The following PDYN variants were observed in gnomAD, a reference collection of about 807,000 sequenced individuals.
PDYN encodes the protein proenkephalin-B.
Under a neutral mutation model 11.4 loss-of-function variants are expected in PDYN, and 5 were observed. That is an observed-to-expected ratio of 0.44 (90% CI 0.23 to 0.92). The LOEUF (loss-of-function observed/expected upper bound fraction) is 0.92. Among genes scored for constraint, PDYN ranks in the 40% least tolerant of loss-of-function variants. PDYN has a pLI of 0.24. For missense variants in PDYN, 337 were observed against 317.3 expected, an observed-to-expected ratio of 1.06 and a Z score of -0.47; for synonymous variants, 132 against 129.5, an observed-to-expected ratio of 1.02 and a Z score of -0.13.
chr20:1,991,327 C>T (rs965010110), intron 2 of PDYN, among the ~76,000 whole-genome samples: 5 of 152,196 alleles, frequency 3.3e-5, no homozygotes, highest in Admixed American at 6.5e-5. Flanking sequence ...CATATGTCTG[C>T]GGCTTGTGGC....
At chr20:1,991,512 C>G (rs890241571) in intron 2 of PDYN, among the ~76,000 whole-genome samples, 1 of 152,282 alleles carries the variant, frequency 6.6e-6, no homozygotes, top group East Asian at 1.9e-4. Context: ...CACTCCATTT[C>G]GAGGGTCTGA....
At position 1,988,872 on chromosome 20, in the gene PDYN, G is replaced by A. The variant is rs199809888; in HGVS notation, c.-20+3712C>T. 1.2e-4 allele frequency among the ~76,000 whole-genome samples: 18 copies of A among 152,266 alleles called. No individual in the cohort carries two copies. The South Asian group carries it at 1.5e-3, about 12-fold the overall frequency. On this transcript the variant is annotated intron_variant, in intron 2 of 3. Coordinates refer to ENST00000217305, the MANE Select transcript of PDYN (RefSeq NM_024411.5). ...ATTCCTTACGTCAATCTCTTTCTGC[G>A]GATAGGCACACCTTGTTGGCTCTGC...
At chr20:1,989,904 T>C (rs767161851) in intron 2 of PDYN, among the ~76,000 whole-genome samples, 1 of 152,158 alleles carries the variant, frequency 6.6e-6, no homozygotes, top group Non-Finnish European at 1.5e-5. Flanking sequence ...ACCAGCCCCG[T>C]GCACTCCAGG....
Position 1,980,929 on chromosome 20 carries a change from C to G in PDYN, c.159G>C (p.Leu53=), listed in dbSNP as rs1313415812. The G allele has an allele frequency of 1.9e-6, 3 of 1,614,164 alleles. No homozygotes were observed. In the Admixed American group the frequency reaches 5.0e-5, roughly 27 times the overall value. Residue 53 remains leucine (L), a synonymous_variant, in exon 4 of 4, where the codon CTG becomes CTC. Coordinates refer to ENST00000217305, the MANE Select transcript of PDYN (RefSeq NM_024411.5). ...ATCTCTCCCATTCCTCAGAGGGCAG[C>G]AGGGCAGCCTGGCATTGCAGGGAGC... The part of the protein sequence containing the change: ...LICSLQCQAA[L]LPSEEWERCQ...
chr20:1,984,449 G>A, intron 2 of PDYN, among the ~76,000 whole-genome samples: 1 of 152,228 alleles, frequency 6.6e-6, no homozygotes, highest in East Asian at 1.9e-4. Flanking sequence ...TGTATGTTGT[G>A]GTTATTGCCT....
chr20:1,987,154 G>A (rs1287367312), intron 2 of PDYN, among the ~76,000 whole-genome samples: 1 of 152,102 alleles, frequency 6.6e-6, no homozygotes, highest in Non-Finnish European at 1.5e-5. Context: ...GCAAAGAGGT[G>A]GGCAGAGGAT....
intron 2 of PDYN, among the ~76,000 whole-genome samples, chr20:1,988,095 C>T (rs757824304): frequency 1.3e-5 from 2 of 152,192 alleles, no homozygotes; most frequent in East Asian, 1.9e-4. Flanking sequence ...CAACAGCCAC[C>T]GATTCTCAGG....
In PDYN at chr20:1,980,812, G is replaced by A. The variant is rs778531195; in HGVS notation, c.276C>T (p.Tyr92=). ...ACCCAGAGAGCTTGGCCAGCTCACT[G>A]TAGGGCCCTTCCCCAACCGACTTGC... ...LGSKSVGEGP[Y]SELAKLSGSF... Residue 92 remains tyrosine, a synonymous_variant, in exon 4 of 4, where the codon TAC becomes TAT. Coordinates refer to ENST00000217305, the MANE Select transcript of PDYN (RefSeq NM_024411.5). 1.2e-6 allele frequency: 2 copies of A among 1,614,080 alleles called. No individual in the cohort carries two copies. Among genetic ancestry groups the A allele is most frequent in the African/African-American group, 2.7e-5 (2 of 74,920 alleles).
rs1441628753 is a variant in PDYN at position 1,983,112 on chromosome 20, G to A, written c.-19-9C>T. 6 of 1,608,264 alleles carry A rather than the reference G, an allele frequency of 3.7e-6. No individual in the cohort carries two copies. Among genetic ancestry groups the A allele is most frequent in the Non-Finnish European group, 1.7e-6 (2 of 1,177,970 alleles). ...TGTCTCAGCAATTCCTGCTGGGGAGGAAGAAAGAGAAGATAATGAAATCTG... is the reference window on the plus strand; with the variant it reads ...TGTCTCAGCAATTCCTGCTGGGGAGAAAGAAAGAGAAGATAATGAAATCTG... On this transcript the variant is annotated splice_polypyrimidine_tract_variant and intron_variant, in intron 2 of 3. Transcript: ENST00000217305.
chr20:1,983,498 C>T (rs536687752), intron 2 of PDYN, among the ~76,000 whole-genome samples: 6 of 152,344 alleles, frequency 3.9e-5, no homozygotes, highest in East Asian at 3.9e-4. Context: ...TTTGGCCACC[C>T]GCCAAGCCAG....
intron 2 of PDYN, among the ~76,000 whole-genome samples, chr20:1,984,601 T>C (rs1459944084): frequency 6.6e-6 from 1 of 152,202 alleles, no homozygotes; most frequent in African/African-American, 2.4e-5. Flanking sequence ...AATACTCTGT[T>C]AAAAGTTGTC....
intron 2 of PDYN, among the ~76,000 whole-genome samples, 187 bp downstream of exon 2, chr20:1,992,397 T>G (rs1195047396): frequency 6.6e-6 from 1 of 152,234 alleles, no homozygotes; most frequent in Non-Finnish European, 1.5e-5. Context: ...TCCCTTTGCC[T>G]GCTCCCTTAA....
chr20:1,989,737 T>C (rs1001186210), intron 2 of PDYN, among the ~76,000 whole-genome samples: 5 of 152,196 alleles, frequency 3.3e-5, no homozygotes, highest in African/African-American at 1.2e-4. Context: ...ATGAAGTCAC[T>C]TGTTTAAGGT....
chr20:1,991,412 C>T (rs1988441963), intron 2 of PDYN, among the ~76,000 whole-genome samples: 1 of 152,184 alleles, frequency 6.6e-6, no homozygotes, highest in African/African-American at 2.4e-5. Flanking sequence ...GCCTCATGGA[C>T]CTAGGCCATC....
intron 3 of PDYN, 75 bp downstream of exon 3, chr20:1,982,881 T>C (rs1270066860): frequency 1.3e-6 from 2 of 1,534,610 alleles, no homozygotes; most frequent in Admixed American, 3.4e-5. Context: ...TGCCCAGGCC[T>C]GCAACCTCCC....
In PDYN at chr20:1,980,208, A is replaced by G. The variant is rs1987641214; in HGVS notation, c.*115T>C. 1.9e-6 allele frequency: 2 copies of G among 1,059,766 alleles called. No individual in the cohort carries two copies. The highest frequency in any genetic ancestry group is 1.3e-5 in the South Asian group (1 of 78,288). The allele number at this position is 1,059,766 out of a possible 1,614,324, so 65.6% of individuals were successfully genotyped here. On this transcript the variant is annotated 3_prime_UTR_variant, in exon 4 of 4. Coordinates refer to ENST00000217305, the MANE Select transcript of PDYN (RefSeq NM_024411.5). ...GATAGGCTGGGCTTGGATATTTTGT[A>G]CACAATGCTGAGCTGAGCATGGGGA...
intron 2 of PDYN, among the ~76,000 whole-genome samples, chr20:1,985,018 C>T (rs986971614): frequency 6.6e-6 from 1 of 152,152 alleles, no homozygotes; most frequent in Non-Finnish European, 1.5e-5. Flanking sequence ...TCCTCTAAGA[C>T]ACTCCACCCC....
rs1202282772 is a variant in PDYN at position 1,980,253 on chromosome 20, T to C, written c.*70A>G. ...TGGGGAAGGGGCACATATAAGAGGA[T>C]GAATGAATGCACTCCAACCTGAAAA... On this transcript the variant is annotated 3_prime_UTR_variant, in exon 4 of 4. Coordinates refer to ENST00000217305, the MANE Select transcript of PDYN (RefSeq NM_024411.5). The C allele has an allele frequency of 8.2e-6, 12 of 1,465,762 alleles. No homozygotes were observed. The East Asian group carries it at 1.8e-4, about 22-fold the overall frequency. 90.8% of individuals were successfully genotyped at this position (1,465,762 alleles called of 1,614,324 possible).
At chr20:1,985,916 G>A (rs1277820339) in intron 2 of PDYN, among the ~76,000 whole-genome samples, 1 of 152,164 alleles carries the variant, frequency 6.6e-6, no homozygotes, top group African/African-American at 2.4e-5. Context: ...AACCTACTGG[G>A]GAGGGGGCGC....
Sources: allele counts gnomAD v4.1 joint callset (sites outside exome capture counted in the v4.1 genomes callset), GRCh38; gene constraint gnomAD v4.1.1; transcripts MANE v1.5; gene names NCBI Gene and HGNC (gene_info 2026-07-23, HGNC 2026-07-21).